The following RFX1 variants were observed in gnomAD, a reference collection of about 807,000 sequenced individuals.
RFX1 encodes the protein MHC class II regulatory factor RFX1.
Under a neutral mutation model 119.6 loss-of-function variants are expected in RFX1, and 42 were observed. That is an observed-to-expected ratio of 0.35 (90% CI 0.27 to 0.45). RFX1 has a LOEUF of 0.45. Ranked by LOEUF, RFX1 falls within the 20% of genes least tolerant of loss-of-function variation. The pLI is 1.00. For synonymous variants in RFX1, 628 were observed against 618.5 expected (o/e 1.02, Z -0.23); for missense variants, 1,118 against 1,368.1 (o/e 0.82, Z 2.88).
Position 13,986,797 on chromosome 19 carries a change from C to T in RFX1, c.320-3202G>A, listed in dbSNP as rs1279019600. Among the ~76,000 whole-genome samples the T allele has an allele frequency of 6.6e-6, 1 of 152,136 alleles. No homozygotes were observed. Among genetic ancestry groups the T allele is most frequent in the Non-Finnish European group, 1.5e-5 (1 of 67,994 alleles). On this transcript the variant is annotated intron_variant, in intron 2 of 20. Transcript: ENST00000254325. This position sits in a 1 kb window ranked among gnomAD's most constrained non-coding sequence, Gnocchi z 4.2. ...CTTCCCCATCTAGACCTACTCAAAC[C>T]TTAAATGAGCTACTTGGGGGAGCCC...
chr19:13,974,652 C>T lies in RFX1; in HGVS notation c.930-1525G>A, dbSNP rs370871656. ...TGTCATCTGTGGGCATGGAGGGCTC[C>T]GTCGAGGGGGACAGGCAGGGGGCAC... On this transcript the variant is annotated intron_variant, in intron 8 of 20. Transcript: ENST00000254325. 9.9e-5 allele frequency among the ~76,000 whole-genome samples: 15 copies of T among 152,242 alleles called. No homozygotes were observed. The East Asian group carries it at 2.3e-3, about 24-fold the overall frequency.
intron 7 of RFX1, 85 bp downstream of exon 7, chr19:13,979,362 C>T (rs1033550308): frequency 2.3e-6 from 2 of 874,920 alleles, no homozygotes; most frequent in Non-Finnish European, 3.4e-6. Flanking sequence ...GCATTTCCCT[C>T]CCTGCGGCCT....
rs555269866 is a variant in RFX1 at position 13,984,610 on chromosome 19, T to A, written c.320-1015A>T. Among the ~76,000 whole-genome samples, 5 of 152,092 alleles carry A rather than the reference T, an allele frequency of 3.3e-5. No homozygotes were observed. In the East Asian group the frequency reaches 9.7e-4, roughly 29 times the overall value. On this transcript the variant is annotated intron_variant, in intron 2 of 20. Coordinates refer to ENST00000254325, the MANE Select transcript of RFX1 (RefSeq NM_002918.5). Reference sequence around the variant, plus strand: ...CCCAGCTGGGACACCATCCATCCCATCCCCTCCATGTGACCTGGCATACCC... The same window carrying A: ...CCCAGCTGGGACACCATCCATCCCAACCCCTCCATGTGACCTGGCATACCC...
chr19:14,006,450 C>T (rs1210324521), upstream of RFX1: 2 of 152,218 alleles, frequency 1.3e-5, no homozygotes, highest in Non-Finnish European at 2.9e-5. Flanking sequence ...CTTTTCAACA[C>T]CCTCTGGACT....
intron 2 of RFX1, among the ~76,000 whole-genome samples, chr19:13,992,265 C>T (rs1268602664): frequency 6.6e-6 from 1 of 152,092 alleles, no homozygotes; most frequent in Non-Finnish European, 1.5e-5. Flanking sequence ...ATAGCAAGAC[C>T]CCATCTCTAA....
intron 2 of RFX1, among the ~76,000 whole-genome samples, chr19:13,987,910 A>T (rs1974658769): frequency 6.6e-6 from 1 of 152,160 alleles, no homozygotes; most frequent in Non-Finnish European, 1.5e-5. Context: ...AACACTACCA[A>T]GATGGGGGAG....
Position 13,986,958 on chromosome 19 carries a change from G to C in RFX1, c.320-3363C>G, listed in dbSNP as rs1166582212. Among the ~76,000 whole-genome samples, 1 of 152,130 alleles carries C rather than the reference G, an allele frequency of 6.6e-6. No homozygotes were observed. Among genetic ancestry groups the C allele is most frequent in the Non-Finnish European group, 1.5e-5 (1 of 68,002 alleles). On this transcript the variant is annotated intron_variant, in intron 2 of 20. Transcript: ENST00000254325. The surrounding 1 kb of genome is among the most constrained non-coding windows in gnomAD (Gnocchi z 4.2). ...GGGATGATGTCAGTCAGGGGCTCCT[G>C]GAGGGGCCCCTGCTGCCCCCAGTGT...
At chr19:13,967,472 C>T (rs148209894) in intron 12 of RFX1, among the ~76,000 whole-genome samples, 35 of 145,604 alleles carry the variant, frequency 2.4e-4, no homozygotes, top group South Asian at 4.4e-4. Context: ...CCACTGCACC[C>T]GGCCTTTTTT....
intron 2 of RFX1, among the ~76,000 whole-genome samples, 188 bp from the exon 3 acceptor site, chr19:13,983,783 G>A (rs1206323651): frequency 1.3e-5 from 2 of 152,242 alleles, no homozygotes; most frequent in Admixed American, 6.5e-5. Context: ...AGAGCGGGCT[G>A]AGGCTTGCAG....
At chr19:14,005,646 C>T (rs1975346269) in intron 1 of RFX1, among the ~76,000 whole-genome samples, 1 of 152,196 alleles carries the variant, frequency 6.6e-6, no homozygotes, top group Admixed American at 6.5e-5. Context: ...AAGGGAGTCG[C>T]TTAAGGATCT....
rs902309479 is a variant in RFX1 at position 13,985,373 on chromosome 19, T to G, written c.320-1778A>C. ...TGTGGTTTTAGTAGAGACGGGGTTTTGCCATGTTGGCCAGGCTGCTCTTGA... is the reference window on the plus strand; with the variant it reads ...TGTGGTTTTAGTAGAGACGGGGTTTGGCCATGTTGGCCAGGCTGCTCTTGA... On this transcript the variant is annotated intron_variant, in intron 2 of 20. Transcript: ENST00000254325. The surrounding 1 kb of genome is among the most constrained non-coding windows in gnomAD (Gnocchi z 4.3). 6.6e-6 allele frequency among the ~76,000 whole-genome samples: 1 copy of G among 152,106 alleles called. No homozygotes were observed. The highest frequency in any genetic ancestry group is 2.4e-5 in the African/African-American group (1 of 41,412).
chr19:13,978,367 G>C (rs949540695), intron 7 of RFX1, among the ~76,000 whole-genome samples: 4 of 152,116 alleles, frequency 2.6e-5, no homozygotes, highest in Non-Finnish European at 4.4e-5. Flanking sequence ...TAGTGGGCGT[G>C]AAGGTTGGAC....
Position 13,965,768 on chromosome 19 carries a change from C to T in RFX1, c.1971G>A (p.Glu657=). The T allele has an allele frequency of 6.2e-7, 1 of 1,613,640 alleles. No homozygotes were observed. The highest frequency in any genetic ancestry group is 8.5e-7 in the Non-Finnish European group (1 of 1,179,930). Reference sequence around the variant, plus strand: ...TGGCTTTGGGCAGTCGCTTCTCGGCCTCGTCATGTCTGCGGGCACCCACCC... The same window carrying T: ...TGGCTTTGGGCAGTCGCTTCTCGGCTTCGTCATGTCTGCGGGCACCCACCC... The part of the protein sequence containing the change: ...SEAPPLAVHD[E]AEKRLPKAIL... The change falls in exon 15 of 21, where the codon GAG becomes GAA. Residue 657 remains glutamate, a synonymous_variant. Transcript: ENST00000254325. The surrounding 1 kb of genome is among the most constrained non-coding windows in gnomAD (Gnocchi z 4.7).
chr19:13,990,771 C>G lies in RFX1; in HGVS notation c.319+2754G>C, dbSNP rs1291395580. Among the ~76,000 whole-genome samples the G allele has an allele frequency of 3.9e-5, 6 of 151,916 alleles. No homozygotes were observed. Among genetic ancestry groups the G allele is most frequent in the Non-Finnish European group, 5.9e-5 (4 of 67,972 alleles). On this transcript the variant is annotated intron_variant, in intron 2 of 20. Coordinates refer to ENST00000254325, the MANE Select transcript of RFX1 (RefSeq NM_002918.5). This position sits in a 1 kb window ranked among gnomAD's most constrained non-coding sequence, Gnocchi z 4.1. ...GGCAGAGCTTGCAGTGAGCCGAGAT[C>G]CTGCCACTGCACTCCAGCCTGGGTG...
chr19:13,975,354 T>G (rs1599487506), intron 8 of RFX1, among the ~76,000 whole-genome samples: 1 of 144,262 alleles, frequency 6.9e-6, no homozygotes. Context: ...AGAGGGAAAC[T>G]CTATCTCAAA....
rs1292130730 is a variant in RFX1 at position 13,962,397 on chromosome 19, G to A, written c.*298C>T. The A allele has an allele frequency of 2.2e-6, 1 of 452,298 alleles. No homozygotes were observed. Among genetic ancestry groups the A allele is most frequent in the Non-Finnish European group, 3.9e-6 (1 of 253,798 alleles). The allele number at this position is 452,298 out of a possible 1,614,324, so 28.0% of individuals were successfully genotyped here. On this transcript the variant is annotated 3_prime_UTR_variant, in exon 21 of 21. Transcript: ENST00000254325. ...GGTGGGAGGACGGGGCTGGGGAGAA[G>A]ACGCTGGGGCCTGGGAGGGGGGCGG...
chr19:14,002,382 G>A (rs955993803), intron 1 of RFX1, among the ~76,000 whole-genome samples: 6 of 151,792 alleles, frequency 4.0e-5, no homozygotes, highest in African/African-American at 1.2e-4. Context: ...CTACTCGGGA[G>A]GCTGAAGCAG....
chr19:13,993,431 G>T, intron 2 of RFX1, 94 bp downstream of exon 2: 3 of 1,266,224 alleles, frequency 2.4e-6, no homozygotes, highest in South Asian at 2.9e-5. Context: ...AGAAACCTTG[G>T]GGGGCATGGC....
Position 13,966,367 on chromosome 19 carries a change from C to T in RFX1, c.1961+54G>A, listed in dbSNP as rs771778529. On this transcript the variant is annotated intron_variant, in intron 14 of 20. Transcript: ENST00000254325. The surrounding 1 kb of genome is among the most constrained non-coding windows in gnomAD (Gnocchi z 6.3). ...CAACCCTGGCCATCAAAATCACCTGCGGGTCATGCCCTCCTCCCCCCTCTC... is the reference window on the plus strand; with the variant it reads ...CAACCCTGGCCATCAAAATCACCTGTGGGTCATGCCCTCCTCCCCCCTCTC... The T allele has an allele frequency of 1.5e-4, 176 of 1,163,122 alleles. No individual in the cohort carries two copies. The highest frequency in any genetic ancestry group is 2.1e-4 in the Middle Eastern group (1 of 4,716). 72.1% of individuals were successfully genotyped at this position (1,163,122 alleles called of 1,614,324 possible).
Sources: gnomAD v4.1 joint callset for allele counts (sites outside exome capture counted in the v4.1 genomes callset) on GRCh38, gnomAD v4.1.1 for gene constraint, Gnocchi (gnomAD v3.1) non-coding constraint, MANE v1.5 for transcripts, NCBI Gene and HGNC (gene_info 2026-07-23, HGNC 2026-07-21) for gene names.